RBFOX2: variants seen among roughly 807,000 people sequenced by gnomAD.
RBFOX2 encodes RNA binding protein fox-1 homolog 2.
RBFOX2 carries 10 observed loss-of-function variants against 49.1 expected under a neutral mutation model. The ratio of observed to expected loss-of-function variants is 0.20; its 90% confidence interval spans 0.13 to 0.35. The LOEUF (loss-of-function observed/expected upper bound fraction) is 0.35. Ranked by LOEUF, RBFOX2 falls within the 10% of genes least tolerant of loss-of-function variation. The pLI, the probability that RBFOX2 is intolerant of heterozygous loss-of-function variation, is 1.00. For synonymous variants in RBFOX2, 183 were observed against 187.4 expected, an observed-to-expected ratio of 0.98 and a Z score of 0.19; for missense variants, 323 against 486.9, an observed-to-expected ratio of 0.66 and a Z score of 3.17.
intron 1 of RBFOX2, among the ~76,000 whole-genome samples, chr22:35,929,921 T>C (rs932989029): frequency 6.6e-6 from 1 of 152,014 alleles, no homozygotes; most frequent in Non-Finnish European, 1.5e-5. Flanking sequence ...GTACTAAAGC[T>C]GGACTGTGAC....
At chr22:35,777,843 G>C (rs1944306309) in intron 4 of RBFOX2, 182 bp downstream of exon 5, 1 of 608,454 alleles carries the variant, frequency 1.6e-6, no homozygotes, top group Non-Finnish European at 2.8e-6. Flanking sequence ...CCCCATATAA[G>C]TATCAGAATA....
At chr22:35,820,024 C>G (rs1802200817) in intron 1 of RBFOX2, among the ~76,000 whole-genome samples, 1 of 152,158 alleles carries the variant, frequency 6.6e-6, no homozygotes, top group South Asian at 2.1e-4. Flanking sequence ...GAACTAGGAA[C>G]ATGGAGGCCT....
chr22:35,899,226 C>CA (rs2149436372), intron 1 of RBFOX2, among the ~76,000 whole-genome samples: 1 of 151,444 alleles, frequency 6.6e-6, no homozygotes, highest in South Asian at 2.1e-4. Context: ...TACCCTGCAG[C>CA]AAAGCAGGAG....
At chr22:35,756,799 T>G (rs1023049858) in intron 9 of RBFOX2, among the ~76,000 whole-genome samples, 24 of 151,736 alleles carry the variant, frequency 1.6e-4, no homozygotes, top group African/African-American at 5.6e-4. Flanking sequence ...TAAGAACCAA[T>G]GCAACACCTC....
rs774090731 is a variant in RBFOX2, at chr22:35,744,266, GAT to G, written c.1050-19_1050-18del. On this transcript the variant is annotated intron_variant, in intron 11 of 11. Transcript: ENST00000405409. ...TAAACTCGCCTGCAGTAATTAAAGA[GAT>G]AAAAATAATTAAAAGGTTGATGAGA... The G allele has an allele frequency of 3.7e-6, 6 of 1,603,718 alleles. No individual in the cohort carries two copies. The highest frequency in any genetic ancestry group is 4.3e-6 in the Non-Finnish European group (5 of 1,174,424).
intron 3 of RBFOX2, among the ~76,000 whole-genome samples, chr22:35,781,004 A>C (rs1360253670): frequency 3.9e-5 from 6 of 152,184 alleles, no homozygotes; most frequent in African/African-American, 1.4e-4. Context: ...AGCTGGACTT[A>C]TATGGAAGGT....
At chr22:35,746,760 C>G (rs185893230) in intron 9 of RBFOX2, 199 bp from the exon 12 acceptor site, 3 of 395,046 alleles carry the variant, frequency 7.6e-6, no homozygotes, top group Non-Finnish European at 1.3e-5. Flanking sequence ...TTAAGCCCTA[C>G]GATATGCAAG....
intron 1 of RBFOX2, among the ~76,000 whole-genome samples, chr22:35,968,548 A>C (rs1298601509): frequency 1.3e-5 from 2 of 152,210 alleles, no homozygotes; most frequent in Non-Finnish European, 1.5e-5. Context: ...AGAAGAAAAG[A>C]AGCTTATGGA....
chr22:35,860,352 C>T (rs1169465175), intron 1 of RBFOX2, among the ~76,000 whole-genome samples: 4 of 152,220 alleles, frequency 2.6e-5, no homozygotes, highest in Non-Finnish European at 5.9e-5. Context: ...GATCAACTAA[C>T]CTGCCAACTG....
chr22:35,763,393 C>T (rs914011924), intron 6 of RBFOX2, among the ~76,000 whole-genome samples: 8 of 152,036 alleles, frequency 5.3e-5, no homozygotes, highest in Admixed American at 3.9e-4. Flanking sequence ...AAAACCTCGT[C>T]TCTACTAAAA....
At chr22:36,027,906 T>G (rs1336911927) in intron 1 of RBFOX2, among the ~76,000 whole-genome samples, 1 of 152,056 alleles carries the variant, frequency 6.6e-6, no homozygotes, top group African/African-American at 2.4e-5. Flanking sequence ...AAGCCAGGAT[T>G]TCCCGGCTTC....
chr22:35,870,403 T>G (rs922480522), intron 1 of RBFOX2, among the ~76,000 whole-genome samples: 19 of 151,970 alleles, frequency 1.3e-4, no homozygotes, highest in Non-Finnish European at 2.8e-4. Context: ...ACCCAGGAGG[T>G]GGAGGCTGCA....
At chr22:35,963,304 T>C (rs1020646958), upstream of RBFOX2, among the ~76,000 whole-genome samples, 3 of 152,122 alleles carry the variant, frequency 2.0e-5, no homozygotes, top group Admixed American at 6.5e-5. Context: ...GGGGACAATA[T>C]GATTAGCCCA....
At chr22:35,827,892 C>A (rs947796243) in intron 1 of RBFOX2, among the ~76,000 whole-genome samples, 6 of 152,160 alleles carry the variant, frequency 3.9e-5, no homozygotes, top group Admixed American at 3.3e-4. Context: ...TAAGGCCAGG[C>A]GCAGTGGCTC....
In RBFOX2 at chr22:35,989,726, G is replaced by A. The variant is rs190754066; in HGVS notation, c.186+38514C>T. ...ACTCACTACAGAAAGGACGAAAAGTGGCACTCAAATTTGGTGGCACGAAGG... is the reference window on the plus strand; with the variant it reads ...ACTCACTACAGAAAGGACGAAAAGTAGCACTCAAATTTGGTGGCACGAAGG... On this transcript the variant is annotated intron_variant, in intron 1 of 13. Transcript: ENST00000438146. Among the ~76,000 whole-genome samples the A allele has an allele frequency of 1.5e-4, 23 of 152,220 alleles. No individual in the cohort carries two copies. In the East Asian group the frequency reaches 3.3e-3, roughly 22 times the overall value.
intron 10 of RBFOX2, 102 bp downstream of exon 12, chr22:35,746,371 C>CTAA: frequency 9.1e-7 from 1 of 1,103,192 alleles, no homozygotes; most frequent in Non-Finnish European, 1.3e-6. Flanking sequence ...GCCCGATGTG[C>CTAA]TAAGAGCTGC....
intron 9 of RBFOX2, among the ~76,000 whole-genome samples, chr22:35,756,489 G>A (rs917137735): frequency 6.6e-6 from 1 of 152,092 alleles, no homozygotes. Context: ...TTTGTATATG[G>A]AGTATTTTTA....
At chr22:35,799,240 A>C (rs1014032776) in intron 2 of RBFOX2, among the ~76,000 whole-genome samples, 1 of 152,224 alleles carries the variant, frequency 6.6e-6, no homozygotes, top group Non-Finnish European at 1.5e-5. Flanking sequence ...GGTTATTTAT[A>C]CCCACTGCCA....
intron 1 of RBFOX2, chr22:36,000,007 T>TATATATATA (rs1299405689): frequency 4.4e-4 from 30 of 67,786 alleles, no homozygotes; most frequent in Non-Finnish European, 1.2e-4. Context: ...ATATATATAT[T>TATATATATA]TTTTTTTTTT....
Sources: allele counts gnomAD v4.1 joint callset (sites outside exome capture counted in the v4.1 genomes callset), GRCh38; gene constraint gnomAD v4.1.1; transcripts MANE v1.5; gene names NCBI Gene and HGNC (gene_info 2026-07-23, HGNC 2026-07-21).